CSMD1: variants seen among roughly 807,000 people sequenced by gnomAD.
The protein encoded by CSMD1 is CUB and Sushi multiple domains 1, also known as CUB and sushi domain-containing protein 1.
A neutral mutation model predicts 417.5 loss-of-function variants in CSMD1; 213 were observed. The ratio of observed to expected loss-of-function variants is 0.51; its 90% confidence interval spans 0.46 to 0.57. CSMD1 has a LOEUF of 0.57. CSMD1 is among the 20% of genes least tolerant of loss of function. CSMD1 has a pLI of 0.00. For synonymous variants in CSMD1, 2,862 were observed against 1,736.8 expected, an observed-to-expected ratio of 1.65 and a Z score of -16.11; for missense variants, 6,923 against 4,529.7, an observed-to-expected ratio of 1.53 and a Z score of -15.17.
intron 3 of CSMD1, among the ~76,000 whole-genome samples, chr8:4,238,196 A>G (rs1802181117): frequency 6.6e-6 from 1 of 152,198 alleles, no homozygotes; most frequent in Non-Finnish European, 1.5e-5. Flanking sequence ...GTACGTCGAT[A>G]TTAACACACT....
chr8:4,234,059 T>A (rs1350758761), intron 3 of CSMD1, among the ~76,000 whole-genome samples: 1 of 151,984 alleles, frequency 6.6e-6, no homozygotes, highest in Non-Finnish European at 1.5e-5. Flanking sequence ...AACAGATAAG[T>A]CAACCATTAA....
At chr8:3,977,314 C>T (rs1289877554) in intron 5 of CSMD1, among the ~76,000 whole-genome samples, 1 of 152,114 alleles carries the variant, frequency 6.6e-6, no homozygotes, top group African/African-American at 2.4e-5. Flanking sequence ...CCATTTCATT[C>T]CTTTCCCAAT....
chr8:4,816,440 C>G (rs917724269), intron 1 of CSMD1, among the ~76,000 whole-genome samples: 2 of 152,052 alleles, frequency 1.3e-5, no homozygotes, highest in African/African-American at 4.8e-5. Context: ...GTTGGCCAGG[C>G]TCGTCCCAAA....
At chr8:4,055,015 G>T (rs1002789881) in intron 3 of CSMD1, among the ~76,000 whole-genome samples, 1 of 152,194 alleles carries the variant, frequency 6.6e-6, no homozygotes, top group African/African-American at 2.4e-5. Context: ...TGTGTGTGAA[G>T]AAGGCGCCTA....
At chr8:3,053,869 A>C (rs575839696) in intron 49 of CSMD1, among the ~76,000 whole-genome samples, 2 of 152,220 alleles carry the variant, frequency 1.3e-5, no homozygotes, top group Non-Finnish European at 2.9e-5. Context: ...TCTTTTACTC[A>C]ATCAGTATTA....
chr8:3,886,063 T>G (rs973732024), intron 5 of CSMD1, among the ~76,000 whole-genome samples: 1 of 151,942 alleles, frequency 6.6e-6, no homozygotes, highest in African/African-American at 2.4e-5. Context: ...TTATTATTAT[T>G]TTTTTGAGAC....
intron 8 of CSMD1, among the ~76,000 whole-genome samples, chr8:3,586,471 G>C (rs1222774723): frequency 6.6e-6 from 1 of 152,124 alleles, no homozygotes; most frequent in African/African-American, 2.4e-5. Flanking sequence ...GATTCCTGTT[G>C]TGCCAGCTTC....
chr8:3,355,532 G>A (rs1808721151), intron 21 of CSMD1, among the ~76,000 whole-genome samples: 1 of 152,132 alleles, frequency 6.6e-6, no homozygotes, highest in Non-Finnish European at 1.5e-5. Flanking sequence ...GACTCAATGT[G>A]GGCCAATGAG....
At chr8:3,985,721 T>C (rs71521900) in intron 5 of CSMD1, among the ~76,000 whole-genome samples, 5,483 of 151,546 alleles carry the variant, frequency 0.036, 123 homozygotes, top group South Asian at 0.083. Flanking sequence ...TTCAAGAAGT[T>C]AGATTAAAAA....
At chr8:3,505,312 G>A (rs1285345136) in intron 10 of CSMD1, among the ~76,000 whole-genome samples, 2 of 152,142 alleles carry the variant, frequency 1.3e-5, no homozygotes, top group Non-Finnish European at 2.9e-5. Flanking sequence ...TGGAGTGACC[G>A]CTGAAACTTT....
intron 3 of CSMD1, among the ~76,000 whole-genome samples, chr8:4,128,805 G>A (rs1264527042): frequency 1.3e-5 from 2 of 152,098 alleles, no homozygotes; most frequent in East Asian, 3.9e-4. Flanking sequence ...TTATATCCTA[G>A]TGCAAGTAGG....
intron 3 of CSMD1, among the ~76,000 whole-genome samples, chr8:4,155,797 A>T (rs1405968593): frequency 6.6e-6 from 1 of 152,168 alleles, no homozygotes; most frequent in African/African-American, 2.4e-5. Flanking sequence ...AAGAGCCACA[A>T]AGGGGAATAC....
intron 3 of CSMD1, among the ~76,000 whole-genome samples, chr8:4,049,311 A>G (rs1007224565): frequency 6.6e-6 from 1 of 151,950 alleles, no homozygotes; most frequent in African/African-American, 2.4e-5. Flanking sequence ...ATTTTGCAAC[A>G]TCTCTGGCCT....
At position 4,756,877 on chromosome 8, in the gene CSMD1, A is replaced by T. The variant is rs564639656; in HGVS notation, c.86-119319T>A. Among the ~76,000 whole-genome samples the T allele has an allele frequency of 8.5e-5, 13 of 152,364 alleles. 1 individual carries two copies. The South Asian group carries it at 2.5e-3, about 29-fold the overall frequency. ...AGGGTGGACTTCACTTTTTAACCTG[A>T]AAGCAAACTTGGCAGTCCAAATCAT... On this transcript the variant is annotated intron_variant, in intron 1 of 69. Transcript: ENST00000635120.
At chr8:3,234,880 T>C (rs1386728582) in intron 26 of CSMD1, among the ~76,000 whole-genome samples, 1 of 152,370 alleles carries the variant, frequency 6.6e-6, no homozygotes, top group Middle Eastern at 3.4e-3. Context: ...CTTTGAGTGA[T>C]ATTCCTATAG....
chr8:3,910,473 C>A (rs988224046), intron 5 of CSMD1, among the ~76,000 whole-genome samples: 9 of 152,146 alleles, frequency 5.9e-5, no homozygotes, highest in African/African-American at 2.2e-4. Flanking sequence ...ATTTTGTTCA[C>A]TTTATATTTT....
intron 26 of CSMD1, among the ~76,000 whole-genome samples, chr8:3,238,113 G>A (rs1052516424): frequency 3.9e-5 from 6 of 151,924 alleles, no homozygotes; most frequent in African/African-American, 1.5e-4. Flanking sequence ...AGATACGGGT[G>A]GGGCCGTTTT....
rs148818581 is a variant in CSMD1, at chr8:4,081,614, T to G, written c.416-49515A>C. 3.1e-3 allele frequency among the ~76,000 whole-genome samples: 465 copies of G among 152,218 alleles called. 2 individuals are homozygous for G. Among genetic ancestry groups the G allele is most frequent in the Middle Eastern group, 0.017 (5 of 294 alleles). ...CAACCACTGCAGAATACATAAATTT[T>G]TTGAAGGACAAATGGAGATATGGAC... On this transcript the variant is annotated intron_variant, in intron 3 of 69. Coordinates refer to ENST00000635120, the MANE Select transcript of CSMD1 (RefSeq NM_033225.6).
intron 2 of CSMD1, among the ~76,000 whole-genome samples, chr8:4,489,192 G>C (rs1181285058): frequency 6.6e-6 from 1 of 152,174 alleles, no homozygotes; most frequent in Non-Finnish European, 1.5e-5. Context: ...GATAACAGGC[G>C]TGACACACTG....
Sources: gnomAD v4.1 joint callset for allele counts (sites outside exome capture counted in the v4.1 genomes callset) on GRCh38, gnomAD v4.1.1 for gene constraint, MANE v1.5 for transcripts, NCBI Gene and HGNC (gene_info 2026-07-23, HGNC 2026-07-21) for gene names.